Variants in CDS2 observed in about 807,000 individuals in gnomAD.
The protein encoded by CDS2 is CDP-diacylglycerol synthase 2.
Under a neutral mutation model 59.0 loss-of-function variants are expected in CDS2, and 47 were observed. The observed-to-expected ratio is 0.80, with a 90% CI of 0.63 to 1.02. The LOEUF (loss-of-function observed/expected upper bound fraction) is 1.02. CDS2 is among the 50% of genes least tolerant of loss of function. The probability of loss-of-function intolerance (pLI) is 0.00; values close to 1 mark genes in which losing one functional copy is unlikely to be tolerated. For synonymous variants in CDS2, 207 were observed against 206.4 expected (o/e 1.00, Z -0.02); for missense variants, 356 against 558.9 (o/e 0.64, Z 3.66).
chr20:5,183,288 C>T, intron 7 of CDS2, 145 bp downstream of exon 7: 1 of 651,696 alleles, frequency 1.5e-6, no homozygotes, highest in African/African-American at 1.8e-5. Context: ...TGGACCCCAC[C>T]CCTGACTTTT....
intron 1 of CDS2, among the ~76,000 whole-genome samples, chr20:5,148,395 CA>C (rs995846519): frequency 6.6e-6 from 1 of 152,030 alleles, no homozygotes; most frequent in Non-Finnish European, 1.5e-5. Flanking sequence ...AGACAGTCTT[CA>C]AAATAAGAGG....
intron 12 of CDS2, 111 bp downstream of exon 12, chr20:5,189,949 T>C: frequency 7.5e-7 from 1 of 1,331,072 alleles, no homozygotes; most frequent in African/African-American, 1.5e-5. Flanking sequence ...TAATGCAGTT[T>C]TCAGTTGTTT....
chr20:5,152,571 G>A (rs554891097), intron 1 of CDS2, among the ~76,000 whole-genome samples: 16 of 152,238 alleles, frequency 1.1e-4, no homozygotes, highest in Non-Finnish European at 2.4e-4. Flanking sequence ...GTGAAACCCT[G>A]TCTCTACTAA....
intron 1 of CDS2, among the ~76,000 whole-genome samples, chr20:5,159,191 T>G (rs942633135): frequency 2.0e-5 from 3 of 152,094 alleles, no homozygotes; most frequent in Non-Finnish European, 4.4e-5. Context: ...ATATTTTAAA[T>G]TATACTTTAA....
intron 1 of CDS2, among the ~76,000 whole-genome samples, chr20:5,131,643 A>T (rs2090608899): frequency 6.6e-6 from 1 of 152,248 alleles, no homozygotes; most frequent in Admixed American, 6.5e-5. Flanking sequence ...TATGGAGAGG[A>T]AATAGTGACA....
chr20:5,180,035 G>A (rs914307511), intron 5 of CDS2, among the ~76,000 whole-genome samples: 1 of 152,208 alleles, frequency 6.6e-6, no homozygotes, highest in Non-Finnish European at 1.5e-5. Flanking sequence ...TATTCAGAGA[G>A]TATGCTGCAG....
Position 5,189,169 on chromosome 20 carries a change from C to T in CDS2, c.1084C>T (p.Arg362Ter), listed in dbSNP as rs1235520559. 2.5e-6 allele frequency: 4 copies of T among 1,614,118 alleles called. No individual in the cohort carries two copies. Among genetic ancestry groups the T allele is most frequent in the East Asian group, 2.2e-5 (1 of 44,880 alleles). The stretch of plus-strand genomic sequence containing the variant: ...AGGATTCTTCGCAAGTGGATTCAAA[C>T]GAGCCTTTAAAATCAAAGTAGGAAA... The part of the protein sequence containing the change: ...FGGFFASGFK[R>*]AFKIKDFANT... The change falls in exon 11 of 13, where the codon CGA becomes TGA. Residue 362 changes from arginine (R) to a stop codon, truncating the protein, a stop_gained. Coordinates refer to ENST00000460006, the MANE Select transcript of CDS2 (RefSeq NM_003818.4). LOFTEE classifies it high-confidence loss of function.
chr20:5,160,566 A>G (rs2090869283), intron 1 of CDS2, among the ~76,000 whole-genome samples: 1 of 152,246 alleles, frequency 6.6e-6, no homozygotes, highest in Admixed American at 6.5e-5. Context: ...TATATATCAT[A>G]AAATTGATAA....
rs143368283 is a variant in CDS2 at position 5,193,384 on chromosome 20, G to A, written c.*3150G>A. 6.6e-6 allele frequency: 1 copy of A among 152,166 alleles called. No homozygotes were observed. The highest frequency in any genetic ancestry group is 1.9e-4 in the East Asian group (1 of 5,196). The allele number at this position is 152,166 out of a possible 1,614,324, so 9.4% of individuals were successfully genotyped here. A position where few individuals can be genotyped will look rare whatever the true frequency, so the allele number is the denominator to read the frequency against. ...CCTTTGAAACTAATCTCTTTCATTG[G>A]GGAGGATACAACTTTTGACTTTACA... On this transcript the variant is annotated 3_prime_UTR_variant, in exon 13 of 13. Coordinates refer to ENST00000460006, the MANE Select transcript of CDS2 (RefSeq NM_003818.4).
chr20:5,165,863 C>G (rs181406606), intron 1 of CDS2, among the ~76,000 whole-genome samples: 20 of 152,304 alleles, frequency 1.3e-4, no homozygotes, highest in Non-Finnish European at 2.8e-4. Flanking sequence ...AGTAGGAACA[C>G]AGGAGCAAAA....
chr20:5,158,234 G>A lies in CDS2; in HGVS notation c.58-15289G>A, dbSNP rs1388831351. On this transcript the variant is annotated intron_variant, in intron 1 of 12. Transcript: ENST00000460006. ...GCCCAGGCTGGAGTGCAATGGCACA[G>A]TCTCGGCTCACTGCAACTTCTGCCT... 4.7e-5 allele frequency among the ~76,000 whole-genome samples: 7 copies of A among 148,768 alleles called. No homozygotes were observed. The Admixed American group carries it at 4.8e-4, about 10-fold the overall frequency.
chr20:5,187,499 G>T (rs975838758), intron 10 of CDS2: 5 of 152,112 alleles, frequency 3.3e-5, no homozygotes, highest in African/African-American at 1.2e-4. Flanking sequence ...ATTTTACTTG[G>T]AAAGAACCAA....
chr20:5,140,903 G>C (rs560377657), intron 1 of CDS2, among the ~76,000 whole-genome samples: 110 of 152,148 alleles, frequency 7.2e-4, no homozygotes, highest in Non-Finnish European at 1.4e-3. Context: ...CATGGACCTG[G>C]TTGCTTTAGT....
intron 1 of CDS2, among the ~76,000 whole-genome samples, chr20:5,135,490 A>G (rs946778473): frequency 3.3e-5 from 5 of 152,210 alleles, no homozygotes; most frequent in Non-Finnish European, 5.9e-5. Context: ...AGAGACGGAC[A>G]CTGACTCTTC....
At chr20:5,142,342 G>A (rs6053153) in intron 1 of CDS2, among the ~76,000 whole-genome samples, 144 of 152,194 alleles carry the variant, frequency 9.5e-4, no homozygotes, top group South Asian at 3.3e-3. Context: ...AGCTGCTCGG[G>A]AGGTTGAGGC....
At chr20:5,142,445 T>TAA (rs11476644) in intron 1 of CDS2, among the ~76,000 whole-genome samples, 3 of 145,962 alleles carry the variant, frequency 2.1e-5, no homozygotes, top group Admixed American at 6.8e-5. Flanking sequence ...AGACTCCATC[T>TAA]AAAAAAAAAA....
intron 1 of CDS2, among the ~76,000 whole-genome samples, chr20:5,145,182 T>C (rs1419216554): frequency 6.7e-6 from 1 of 150,140 alleles, no homozygotes; most frequent in African/African-American, 2.5e-5. Context: ...GGCGCGTAGA[T>C]GGAGTCTTTT....
intron 1 of CDS2, among the ~76,000 whole-genome samples, chr20:5,168,417 CAAAAAAAAAAAAAAAAGAAAAGA>C (rs2090929314): frequency 1.4e-5 from 1 of 71,536 alleles, no homozygotes; most frequent in Non-Finnish European, 2.9e-5. Flanking sequence ...TCTGTCCCCC[CAAAAAAAAAAAAAAAAGAAAAGA>C]AAAAAAAAAA....
intron 8 of CDS2, among the ~76,000 whole-genome samples, chr20:5,185,158 T>C (rs1301944426): frequency 6.6e-6 from 1 of 151,004 alleles, no homozygotes; most frequent in African/African-American, 2.4e-5. Flanking sequence ...TGGTGGGTCA[T>C]GCCTGTAATC....
Sources: allele counts gnomAD v4.1 joint callset (sites outside exome capture counted in the v4.1 genomes callset), GRCh38; gene constraint gnomAD v4.1.1; transcripts MANE v1.5; gene names NCBI Gene and HGNC (gene_info 2026-07-23, HGNC 2026-07-21).